DUOX1: variants seen among roughly 807,000 people sequenced by gnomAD.
DUOX1 encodes the protein NADPH thyroid oxidase 1.
DUOX1 carries 134 observed loss-of-function variants against 181.8 expected under a neutral mutation model. That is an observed-to-expected ratio of 0.74 (90% CI 0.64 to 0.85). DUOX1 has a LOEUF of 0.85. Ranked by LOEUF, DUOX1 falls within the 40% of genes least tolerant of loss-of-function variation. The pLI is 0.00. For synonymous variants in DUOX1, 798 were observed against 832.5 expected (o/e 0.96, Z 0.71); for missense variants, 1,814 against 2,064.4 (o/e 0.88, Z 2.35).
intron 14 of DUOX1, 39 bp downstream of exon 14, chr15:45,141,449 G>C (rs1321952944): frequency 3.1e-6 from 5 of 1,596,618 alleles, no homozygotes; most frequent in Non-Finnish European, 4.3e-6. Flanking sequence ...TGGTGGGTCT[G>C]GAGCCTCGTC....
rs5812287 is a variant in DUOX1, at chr15:45,141,751, C to CGTGT, written c.1685-195_1685-192dup. Among the ~76,000 whole-genome samples, 1,197 of 148,684 alleles carry CGTGT rather than the reference C, an allele frequency of 8.1e-3. 27 individuals are homozygous for CGTGT. In the East Asian group the frequency reaches 0.082, roughly 10 times the overall value. ...CCCAACCCTACAGCAGTGAGGGAAG[C>CGTGT]GTGTGTGTGTGTGTGTGTGTGTGTG... On this transcript the variant is annotated intron_variant, in intron 14 of 33. Coordinates refer to ENST00000389037, the MANE Select transcript of DUOX1 (RefSeq NM_175940.3).
intron 19 of DUOX1, 116 bp from the exon 20 acceptor site, chr15:45,147,788 C>T (rs1040682033): frequency 1.2e-5 from 19 of 1,523,278 alleles, no homozygotes; most frequent in South Asian, 9.1e-5. Context: ...GGAAGCAGAG[C>T]GACCCTTGCT....
chr15:45,147,875 C>A (rs201730660), intron 19 of DUOX1, 29 bp from the exon 20 acceptor site: 11 of 1,594,190 alleles, frequency 6.9e-6, no homozygotes, highest in African/African-American at 2.7e-5. Context: ...CAGGCGGGGG[C>A]TCTCCTTATG....
chr15:45,137,788 C>A, intron 9 of DUOX1, 136 bp from the exon 10 acceptor site: 1 of 608,538 alleles, frequency 1.6e-6, no homozygotes, highest in Non-Finnish European at 2.8e-6. Flanking sequence ...CCAGGATGTG[C>A]TAAGGTCCGA....
At position 45,139,564 on chromosome 15, in the gene DUOX1, G is replaced by T. The variant is rs1896437874; in HGVS notation, c.1354G>T (p.Asp452Tyr). 3 of 1,608,904 alleles carry T rather than the reference G, an allele frequency of 1.9e-6. No homozygotes were observed. The highest frequency in any genetic ancestry group is 2.5e-6 in the Non-Finnish European group (3 of 1,177,870). Reference protein sequence around the residue: ...LGLSPITRWQDINPALSRSND... With the variant: ...LGLSPITRWQYINPALSRSND... The stretch of plus-strand genomic sequence containing the variant: ...CTTGTCTCCCATTACCCGCTGGCAG[G>T]ACATCAACCCTGCACTCTCCCGGAG... The change falls in exon 12 of 34, where the codon GAC becomes TAC. Residue 452 changes from aspartate to tyrosine, a missense_variant. Physicochemically the swap from Asp to Tyr is radical, Grantham distance 160 (BLOSUM62 -3). Transcript: ENST00000389037.
intron 28 of DUOX1, among the ~76,000 whole-genome samples, chr15:45,158,592 C>T (rs1020561431): frequency 6.7e-6 from 1 of 149,190 alleles, no homozygotes; most frequent in South Asian, 2.1e-4. Context: ...ATCCCAGCTA[C>T]TCGGGAGGCT....
chr15:45,152,474 G>A lies in DUOX1; in HGVS notation c.3382G>A (p.Asp1128Asn). 3.1e-6 allele frequency: 5 copies of A among 1,614,126 alleles called. No individual in the cohort carries two copies. The highest frequency in any genetic ancestry group is 4.2e-6 in the Non-Finnish European group (5 of 1,180,012). Residue 1128 changes from aspartate to asparagine, a missense_variant, in exon 25 of 34, where the codon GAC (aspartate) becomes AAC (asparagine). By Grantham distance (23) the Asp-to-Asn change is conservative (BLOSUM62 1). Around this residue, in one of 5 missense-constraint regions of DUOX1, gnomAD observed 1,064 missense variants for 1,152.9 expected, o/e 0.92. Coordinates refer to ENST00000389037, the MANE Select transcript of DUOX1 (RefSeq NM_175940.3). ...NRYVPFDAAVDFHRLIASTAI... is the reference protein window; with the variant it reads ...NRYVPFDAAVNFHRLIASTAI... ...CTACGTGCCCTTCGACGCCGCCGTGGACTTCCATCGCCTCATTGCCTCCAC... is the reference window on the plus strand; with the variant it reads ...CTACGTGCCCTTCGACGCCGCCGTGAACTTCCATCGCCTCATTGCCTCCAC...
chr15:45,143,990 C>T (rs1488608982), intron 16 of DUOX1, 46 bp from the exon 17 acceptor site: 1 of 1,600,052 alleles, frequency 6.2e-7, no homozygotes, highest in African/African-American at 1.3e-5. Flanking sequence ...TCCCAATGTA[C>T]CTCTGATGGG....
chr15:45,163,791 A>T lies in DUOX1; in HGVS notation c.4406A>T (p.Tyr1469Phe). Residue 1469 changes from tyrosine to phenylalanine, a missense_variant and splice_region_variant, in exon 33 of 34, where the codon TAC (tyrosine) becomes TTC (phenylalanine). By Grantham distance (22) the Tyr-to-Phe change is conservative. Transcript: ENST00000389037. The part of the protein sequence containing the change: ...EKFDLRTTML[Y>F]ICERHFQKVL... ...TTGTTCCACCCTTCCCTACCATAGTACATCTGTGAGCGGCACTTCCAGAAG... is the reference window on the plus strand; with the variant it reads ...TTGTTCCACCCTTCCCTACCATAGTTCATCTGTGAGCGGCACTTCCAGAAG... The T allele has an allele frequency of 1.2e-6, 2 of 1,614,074 alleles. No individual in the cohort carries two copies. The highest frequency in any genetic ancestry group is 1.7e-6 in the Non-Finnish European group (2 of 1,180,012).
rs779972165 is a variant in DUOX1, at chr15:45,136,640, C to A, written c.1022+15C>A. On this transcript the variant is annotated intron_variant, in intron 9 of 33. Transcript: ENST00000389037. ...GTCTACATGAGGTGAGGGAGGGGCT[C>A]AAAGGTGTGTGTGCTGGGAGGGATG... The A allele has an allele frequency of 6.4e-5, 104 of 1,612,928 alleles. No homozygotes were observed. The Middle Eastern group carries it at 2.8e-3, about 44-fold the overall frequency.
At chr15:45,143,934 C>A in intron 16 of DUOX1, 102 bp from the exon 17 acceptor site, 2 of 1,130,410 alleles carry the variant, frequency 1.8e-6, no homozygotes, top group Non-Finnish European at 1.3e-6. Flanking sequence ...GGACAATGAA[C>A]TGTGGAGGCC....
intron 28 of DUOX1, among the ~76,000 whole-genome samples, chr15:45,159,304 C>A (rs78692070): frequency 6.6e-6 from 1 of 152,306 alleles, no homozygotes; most frequent in Non-Finnish European, 1.5e-5. Flanking sequence ...CAGGCTTGGG[C>A]AACACCCATG....
rs757754551 is a variant in DUOX1, at chr15:45,144,175, C to G, written c.2076C>G (p.Val692=). 3 of 1,614,164 alleles carry G rather than the reference C, an allele frequency of 1.9e-6. No homozygotes were observed. In the South Asian group the frequency reaches 3.3e-5, roughly 18 times the overall value. Residue 692 remains valine (V), a synonymous_variant, in exon 17 of 34, where the codon GTC becomes GTG. Coordinates refer to ENST00000389037, the MANE Select transcript of DUOX1 (RefSeq NM_175940.3). Reference sequence around the variant, plus strand: ...AGCCTCCACAGAAGGTCAACTTCGTCCTGTCCAGCAACCGTGGACGCCGCA... The same window carrying G: ...AGCCTCCACAGAAGGTCAACTTCGTGCTGTCCAGCAACCGTGGACGCCGCA... ...QLQPPQKVNF[V]LSSNRGRRTL...
At chr15:45,155,973 G>A in intron 28 of DUOX1, 44 bp downstream of exon 28, 1 of 1,609,794 alleles carries the variant, frequency 6.2e-7, no homozygotes, top group Non-Finnish European at 8.5e-7. Flanking sequence ...GGTATGGGCA[G>A]GACATTTCCA....
At chr15:45,138,048 G>GTGTGTGTGCATGCTTAT in intron 10 of DUOX1, 34 bp downstream of exon 10, 1 of 1,523,690 alleles carries the variant, frequency 6.6e-7, no homozygotes, top group Non-Finnish European at 9.0e-7. Flanking sequence ...TGGTGGATGT[G>GTGTGTGTGCATGCTTAT]TGTGTGTGCA....
intron 28 of DUOX1, among the ~76,000 whole-genome samples, chr15:45,159,358 A>G (rs1050689833): frequency 1.3e-5 from 2 of 152,244 alleles, no homozygotes; most frequent in Non-Finnish European, 2.9e-5. Flanking sequence ...GGAGATGGAA[A>G]GCGAGTGGCC....
intron 11 of DUOX1, 125 bp downstream of exon 11, chr15:45,139,293 A>G (rs1211074002): frequency 6.3e-7 from 1 of 1,595,232 alleles, no homozygotes; most frequent in Non-Finnish European, 8.5e-7. Flanking sequence ...CTCACTGATG[A>G]AAGAGCTTCT....
Position 45,135,458 on chromosome 15 carries a change from G to A in DUOX1, c.496-16G>A, listed in dbSNP as rs1896279014. ...GCCGCCCATCGACCCGGGCTCACCCGCCGCGTGCCCCGCAGGCCAACCAGG... is the reference window on the plus strand; with the variant it reads ...GCCGCCCATCGACCCGGGCTCACCCACCGCGTGCCCCGCAGGCCAACCAGG... On this transcript the variant is annotated splice_polypyrimidine_tract_variant and intron_variant, in intron 5 of 33. Coordinates refer to ENST00000389037, the MANE Select transcript of DUOX1 (RefSeq NM_175940.3). 3 of 1,545,644 alleles carry A rather than the reference G, an allele frequency of 1.9e-6. No homozygotes were observed. Among genetic ancestry groups the A allele is most frequent in the Non-Finnish European group, 2.6e-6 (3 of 1,146,584 alleles).
intron 17 of DUOX1, among the ~76,000 whole-genome samples, 188 bp from the exon 18 acceptor site, chr15:45,144,707 T>A (rs1896603214): frequency 6.6e-6 from 1 of 152,228 alleles, no homozygotes; most frequent in Non-Finnish European, 1.5e-5. Flanking sequence ...CATGTGCCTT[T>A]AAATCCAAAC....
Sources: gnomAD v4.1 joint callset for allele counts (sites outside exome capture counted in the v4.1 genomes callset) on GRCh38, gnomAD v4.1.1 for gene constraint, gnomAD v4.1.1 regional missense constraint, MANE v1.5 for transcripts, NCBI Gene and HGNC (gene_info 2026-07-23, HGNC 2026-07-21) for gene names.